The following DNAH17 variants were observed in gnomAD, a reference collection of about 807,000 sequenced individuals.
DNAH17 encodes axonemal beta dynein heavy chain 17.
DNAH17 carries 376 observed loss-of-function variants against 485.6 expected under a neutral mutation model. The observed-to-expected ratio is 0.77, with a 90% CI of 0.71 to 0.84. DNAH17 has a LOEUF of 0.84. Ranked by LOEUF, DNAH17 falls within the 40% of genes least tolerant of loss-of-function variation. The probability of loss-of-function intolerance (pLI) is 0.00; values close to 1 mark genes in which losing one functional copy is unlikely to be tolerated. For missense variants in DNAH17, 6,370 were observed against 5,839.3 expected, an observed-to-expected ratio of 1.09 and a Z score of -2.96; for synonymous variants, 3,031 against 2,405.9, an observed-to-expected ratio of 1.26 and a Z score of -7.60.
chr17:78,438,507 T>C (rs553665919), intron 73 of DNAH17, among the ~76,000 whole-genome samples: 47 of 133,056 alleles, frequency 3.5e-4, no homozygotes, highest in African/African-American at 1.3e-3. Context: ...CTTTTTTTTT[T>C]ATTTTTTTGA....
rs956502542 is a variant in DNAH17, at chr17:78,569,441, T to C, written c.1131A>G (p.Val377=). The change falls in exon 8 of 81, where the codon GTA becomes GTG. Residue 377 remains valine (V), a synonymous_variant. Transcript: ENST00000389840. ...EEVLSGISLA[V]NVLKELYQTY... ...TCTGGTAGAGCTCCTTCAGCACATT[T>C]ACAGCCAGGGAGATGCCACTCAGGA... 3 of 1,612,448 alleles carry C rather than the reference T, an allele frequency of 1.9e-6. No individual in the cohort carries two copies. Among genetic ancestry groups the C allele is most frequent in the Non-Finnish European group, 2.5e-6 (3 of 1,179,242 alleles).
At chr17:78,536,487 G>C (rs189968888) in intron 19 of DNAH17, among the ~76,000 whole-genome samples, 211 of 151,590 alleles carry the variant, frequency 1.4e-3, no homozygotes, top group Middle Eastern at 3.4e-3. Context: ...GACCACTCTG[G>C]GCAACAACAT....
At chr17:78,471,839 GCCCCCA>G (rs934517201) in intron 54 of DNAH17, among the ~76,000 whole-genome samples, 1 of 152,114 alleles carries the variant, frequency 6.6e-6, no homozygotes, top group African/African-American at 2.4e-5. Context: ...GCTGAGGCTG[GCCCCCA>G]CATCTCTACC....
intron 25 of DNAH17, chr17:78,522,634 G>A: frequency 4.4e-6 from 1 of 229,818 alleles, no homozygotes. Flanking sequence ...TGAGTGCCCA[G>A]GCCAGAGCTG....
In DNAH17 at chr17:78,490,768, G is replaced by A. The variant is rs367856970; in HGVS notation, c.6749C>T (p.Thr2250Met). Residue 2250 changes from threonine to methionine, a missense_variant, in exon 44 of 81, where the codon ACG becomes ATG. Transcript: ENST00000389840. Reference protein sequence around the residue: ...RLVFEISHLRTATPATVSRAG... With the variant: ...RLVFEISHLRMATPATVSRAG... ...TCTGGAAACGGTGGCTGGGGTGGCC[G>A]TCCTCAGGTGGCTGATTTCGAACAC... 222 of 1,604,864 alleles carry A rather than the reference G, an allele frequency of 1.4e-4. 2 individuals are homozygous for A. The highest frequency in any genetic ancestry group is 1.7e-4 in the Non-Finnish European group (199 of 1,175,960).
chr17:78,472,134 T>G (rs997416955), intron 54 of DNAH17, among the ~76,000 whole-genome samples: 5 of 152,172 alleles, frequency 3.3e-5, no homozygotes, highest in Non-Finnish European at 5.9e-5. Context: ...GGCCAAAACA[T>G]CAGCAGCAGT....
At chr17:78,523,565 T>C (rs1010740045) in intron 25 of DNAH17, among the ~76,000 whole-genome samples, 1 of 152,054 alleles carries the variant, frequency 6.6e-6, no homozygotes, top group African/African-American at 2.4e-5. Flanking sequence ...AGAAAATGGA[T>C]AAAAGACATG....
At position 78,574,900 on chromosome 17, in the gene DNAH17, A is replaced by G. The variant is rs1568279897; in HGVS notation, c.158T>C (p.Val53Ala). ...CATGCCGGCTGCATTGAGCGTCAGC[A>G]CCAGCACCTGGACGTCGGGCTTTTC... ...FFEKPDVQVL[V>A]LTLNAAGMII... The change falls in exon 2 of 81, where the codon GTG (valine) becomes GCG (alanine). Residue 53 changes from valine to alanine, a missense_variant. Transcript: ENST00000389840. 6.2e-7 allele frequency: 1 copy of G among 1,613,944 alleles called. No individual in the cohort carries two copies.
At chr17:78,554,473 G>GAAAAAAAATT (rs1568246690) in intron 14 of DNAH17, among the ~76,000 whole-genome samples, 1 of 124,752 alleles carries the variant, frequency 8.0e-6, no homozygotes, top group Non-Finnish European at 1.6e-5. Flanking sequence ...AAAAAAAAAG[G>GAAAAAAAATT]ATAGGTTCTA....
At chr17:78,538,199 A>G (rs1389184175) in intron 18 of DNAH17, among the ~76,000 whole-genome samples, 1 of 150,416 alleles carries the variant, frequency 6.6e-6, no homozygotes, top group African/African-American at 2.4e-5. Context: ...CTGGGTTACT[A>G]CAGGGGCTAA....
intron 77 of DNAH17, 75 bp downstream of exon 77, chr17:78,428,450 C>T (rs1159549862): frequency 2.0e-6 from 3 of 1,521,928 alleles, no homozygotes; most frequent in East Asian, 4.9e-5. Context: ...GTACTGCCGC[C>T]AGTCCCTGTG....
rs567444196 is a variant in DNAH17, at chr17:78,452,692, C to T, written c.10529+651G>A. ...GGCAGAGGCTGCAGTGAGCAGAGATCGTACCACTGGACTCCAGCCTGGACG... is the reference window on the plus strand; with the variant it reads ...GGCAGAGGCTGCAGTGAGCAGAGATTGTACCACTGGACTCCAGCCTGGACG... On this transcript the variant is annotated intron_variant, in intron 65 of 80. Coordinates refer to ENST00000389840, the MANE Select transcript of DNAH17 (RefSeq NM_173628.4). Among the ~76,000 whole-genome samples the T allele has an allele frequency of 5.3e-5, 8 of 152,320 alleles. No individual in the cohort carries two copies. The East Asian group carries it at 1.3e-3, about 26-fold the overall frequency.
Position 78,499,014 on chromosome 17 carries a change from G to A in DNAH17, c.5739C>T (p.Ala1913=), listed in dbSNP as rs368132937. ...CGCAGGCAGGGGACTTTACCTGCACGGCAATCACAGACAAGACTTCCACTG... is the reference window on the plus strand; with the variant it reads ...CGCAGGCAGGGGACTTTACCTGCACAGCAATCACAGACAAGACTTCCACTG... ...RISVEVLSVI[A]VQVKCVQDAI... is the part of the protein sequence containing the mutation. The change falls in exon 37 of 81, where the codon GCC becomes GCT. Residue 1913 remains alanine (A), a synonymous_variant. Coordinates refer to ENST00000389840, the MANE Select transcript of DNAH17 (RefSeq NM_173628.4). The A allele has an allele frequency of 2.2e-4, 353 of 1,607,906 alleles. 2 individuals are homozygous for A. In the African/African-American group the frequency reaches 3.8e-3, roughly 17 times the overall value.
At chr17:78,500,149 C>A in intron 36 of DNAH17, 156 bp downstream of exon 36, 1 of 798,726 alleles carries the variant, frequency 1.3e-6, no homozygotes, top group Non-Finnish European at 1.9e-6. Flanking sequence ...GAGGGGGATG[C>A]TACCAGCAAG....
chr17:78,458,478 C>T, intron 62 of DNAH17, 87 bp downstream of exon 62: 1 of 1,175,232 alleles, frequency 8.5e-7, no homozygotes, highest in Non-Finnish European at 1.3e-6. Flanking sequence ...CCTGGGCTCC[C>T]TCCTCTTCCT....
At chr17:78,458,868 C>A (rs2087941678) in intron 61 of DNAH17, 133 bp downstream of exon 61, 1 of 1,133,076 alleles carries the variant, frequency 8.8e-7, no homozygotes, top group Non-Finnish European at 1.3e-6. Context: ...CCTGCCTCTG[C>A]CTGCATCCTC....
Position 78,488,391 on chromosome 17 carries a change from C to T in DNAH17, c.6819-1885G>A, listed in dbSNP as rs574484262. The stretch of plus-strand genomic sequence containing the variant: ...TTCCATTCTCTCCTCTGCCAATACT[C>T]AGGTCTCCTCCTCCTGCTTCCTCCA... On this transcript the variant is annotated intron_variant, in intron 44 of 80. Coordinates refer to ENST00000389840, the MANE Select transcript of DNAH17 (RefSeq NM_173628.4). 2.0e-5 allele frequency among the ~76,000 whole-genome samples: 3 copies of T among 152,316 alleles called. No homozygotes were observed. In the South Asian group the frequency reaches 6.2e-4, roughly 32 times the overall value.
chr17:78,529,800 C>G, intron 21 of DNAH17, 106 bp from the exon 22 acceptor site: 1 of 1,175,670 alleles, frequency 8.5e-7, no homozygotes, highest in Non-Finnish European at 1.2e-6. Context: ...GTCAACTGGC[C>G]ATCACTGAAG....
At chr17:78,518,695 C>G (rs74480872) in intron 25 of DNAH17, among the ~76,000 whole-genome samples, 8,247 of 152,224 alleles carry the variant, frequency 0.054, 314 homozygotes, top group African/African-American at 0.097. Flanking sequence ...AAGCAGAATA[C>G]GCATTCTGTT....
Sources: gnomAD v4.1 joint callset for allele counts (sites outside exome capture counted in the v4.1 genomes callset) on GRCh38, gnomAD v4.1.1 for gene constraint, MANE v1.5 for transcripts, NCBI Gene and HGNC (gene_info 2026-07-23, HGNC 2026-07-21) for gene names.